Variants in PEBP4 observed in about 807,000 individuals in gnomAD.
The protein encoded by PEBP4 is phosphatidylethanolamine binding protein 4.
A neutral mutation model predicts 23.9 loss-of-function variants in PEBP4; 22 were observed. The observed-to-expected ratio is 0.92, with a 90% CI of 0.66 to 1.31. The LOEUF (loss-of-function observed/expected upper bound fraction) is 1.31. Among genes scored for constraint, PEBP4 ranks in the 40% most tolerant of loss-of-function variants. The pLI, the probability that PEBP4 is intolerant of heterozygous loss-of-function variation, is 0.00. For missense variants in PEBP4, 324 were observed against 281.7 expected (o/e 1.15, Z -1.07); for synonymous variants, 112 against 99.3 (o/e 1.13, Z -0.76).
rs116684348 is a variant in PEBP4 at position 22,783,323 on chromosome 8, T to A, written c.357+34314A>T. On this transcript the variant is annotated intron_variant, in intron 4 of 6. Transcript: ENST00000256404. Reference sequence around the variant, plus strand: ...GATGGGCATGGCTGTCTAATGTGGATGGCAGACGTCTATGGATGAACGCCT... The same window carrying A: ...GATGGGCATGGCTGTCTAATGTGGAAGGCAGACGTCTATGGATGAACGCCT... Among the ~76,000 whole-genome samples, 965 of 152,388 alleles carry A rather than the reference T, an allele frequency of 6.3e-3. 7 individuals are homozygous for A. Among genetic ancestry groups the A allele is most frequent in the African/African-American group, 0.022 (933 of 41,590 alleles).
chr8:22,804,894 G>A (rs1270968369), intron 4 of PEBP4, among the ~76,000 whole-genome samples: 1 of 152,130 alleles, frequency 6.6e-6, no homozygotes, highest in African/African-American at 2.4e-5. Flanking sequence ...TCTGGAACAC[G>A]CCAGCTCCTT....
At chr8:22,773,941 G>T (rs1805765893) in intron 4 of PEBP4, among the ~76,000 whole-genome samples, 1 of 152,182 alleles carries the variant, frequency 6.6e-6, no homozygotes, top group African/African-American at 2.4e-5. Flanking sequence ...CTTAACGGGT[G>T]CTATACACAG....
At chr8:22,786,089 T>C (rs1048480608) in intron 4 of PEBP4, among the ~76,000 whole-genome samples, 9 of 152,164 alleles carry the variant, frequency 5.9e-5, no homozygotes, top group African/African-American at 2.2e-4. Flanking sequence ...TGGCTGTCTT[T>C]CCCTTCCTCC....
intron 5 of PEBP4, among the ~76,000 whole-genome samples, 168 bp downstream of exon 5, chr8:22,727,007 C>T (rs963866937): frequency 6.6e-5 from 10 of 152,280 alleles, no homozygotes; most frequent in African/African-American, 2.2e-4. Flanking sequence ...AAAATGGGGA[C>T]ACTGATGGCA....
intron 4 of PEBP4, among the ~76,000 whole-genome samples, chr8:22,760,771 G>A (rs950022895): frequency 1.3e-5 from 2 of 152,110 alleles, no homozygotes; most frequent in Non-Finnish European, 2.9e-5. Context: ...GAGAAGGCTT[G>A]TGCAAACCCC....
chr8:22,728,562 TCC>T (rs1491363389), intron 4 of PEBP4, among the ~76,000 whole-genome samples: 1,830 of 43,276 alleles, frequency 0.042, 28 homozygotes, highest in South Asian at 0.071. Flanking sequence ...CTTTCTTTCT[TCC>T]TTCCTTCCTT....
At chr8:22,855,182 T>G (rs1228041962) in intron 3 of PEBP4, among the ~76,000 whole-genome samples, 1 of 152,078 alleles carries the variant, frequency 6.6e-6, no homozygotes, top group Non-Finnish European at 1.5e-5. Flanking sequence ...CAACTCCTCC[T>G]CTCTCTCTGC....
chr8:22,774,217 CTT>C (rs1805771963), intron 4 of PEBP4, among the ~76,000 whole-genome samples: 1 of 152,224 alleles, frequency 6.6e-6, no homozygotes, highest in South Asian at 2.1e-4. Flanking sequence ...CTTTCAATCA[CTT>C]TCCTTCCTCT....
chr8:22,809,428 C>T (rs1273773053), intron 4 of PEBP4, among the ~76,000 whole-genome samples: 3 of 152,228 alleles, frequency 2.0e-5, no homozygotes, highest in East Asian at 1.9e-4. Context: ...CACCTCTGAG[C>T]CCCCACACAT....
chr8:22,788,880 A>T (rs1806080742), intron 4 of PEBP4, among the ~76,000 whole-genome samples: 1 of 152,242 alleles, frequency 6.6e-6, no homozygotes, highest in African/African-American at 2.4e-5. Flanking sequence ...TATAAAAAAA[A>T]AGCAGATACA....
rs182055879 is a variant in PEBP4, at chr8:22,893,804, G to C, written c.258+26380C>G. Among the ~76,000 whole-genome samples the C allele has an allele frequency of 3.9e-5, 6 of 152,248 alleles. No homozygotes were observed. In the East Asian group the frequency reaches 1.2e-3, roughly 29 times the overall value. ...ACCCACCAGAATAGCATATCAGTGAGCTGTGGGACATCTTCAAGTAGCCAA... is the reference window on the plus strand; with the variant it reads ...ACCCACCAGAATAGCATATCAGTGACCTGTGGGACATCTTCAAGTAGCCAA... On this transcript the variant is annotated intron_variant, in intron 3 of 6. Transcript: ENST00000256404.
Position 22,790,538 on chromosome 8 carries a change from A to G in PEBP4, c.357+27099T>C, listed in dbSNP as rs185684938. Among the ~76,000 whole-genome samples, 66 of 152,300 alleles carry G rather than the reference A, an allele frequency of 4.3e-4. No homozygotes were observed. In the South Asian group the frequency reaches 6.2e-3, roughly 14 times the overall value. The stretch of plus-strand genomic sequence containing the variant: ...ATGGCAACAGCTTAGCAGGGGCAGA[A>G]AACACCAGGGATATCTCGGCCTTGC... On this transcript the variant is annotated intron_variant, in intron 4 of 6. Transcript: ENST00000256404.
chr8:22,729,604 T>C (rs1475310805), intron 4 of PEBP4, among the ~76,000 whole-genome samples: 5 of 152,216 alleles, frequency 3.3e-5, no homozygotes, highest in Non-Finnish European at 7.3e-5. Flanking sequence ...GGGGCCAGCA[T>C]AGGCAAAGAT....
intron 4 of PEBP4, among the ~76,000 whole-genome samples, chr8:22,731,075 C>T (rs374572490): frequency 2.0e-5 from 3 of 152,292 alleles, no homozygotes; most frequent in East Asian, 3.9e-4. Flanking sequence ...GACAGGCTGA[C>T]ATTTTCAAAA....
rs1808291887 is a variant in PEBP4 at position 22,882,823 on chromosome 8, AC to A, written c.258+37360del. On this transcript the variant is annotated intron_variant, in intron 3 of 6. Coordinates refer to ENST00000256404, the MANE Select transcript of PEBP4 (RefSeq NM_144962.3). ...TCCAGGCCACTATCCACCTGCCCAA[AC>A]CACCCCAGGGTGGGTACTAGACCAC... Among the ~76,000 whole-genome samples, 4 of 152,124 alleles carry A rather than the reference AC, an allele frequency of 2.6e-5. No homozygotes were observed. In the South Asian group the frequency reaches 8.3e-4, roughly 32 times the overall value.
chr8:22,895,516 T>C (rs984693805), intron 3 of PEBP4: 5 of 152,216 alleles, frequency 3.3e-5, no homozygotes, highest in Non-Finnish European at 7.3e-5. Flanking sequence ...CACATCTAGG[T>C]GGATTTTTTT....
chr8:22,882,748 C>G (rs887256427), intron 3 of PEBP4, among the ~76,000 whole-genome samples: 42 of 152,266 alleles, frequency 2.8e-4, no homozygotes, highest in African/African-American at 8.9e-4. Context: ...TGAAAACCTA[C>G]CAGTCCAGTG....
intron 3 of PEBP4, among the ~76,000 whole-genome samples, chr8:22,830,753 C>T (rs1171300644): frequency 6.6e-6 from 1 of 152,180 alleles, no homozygotes; most frequent in Non-Finnish European, 1.5e-5. Context: ...TTCAGCCTCT[C>T]AAACAGCCCT....
At chr8:22,781,929 G>A (rs1033289424) in intron 4 of PEBP4, among the ~76,000 whole-genome samples, 4 of 152,220 alleles carry the variant, frequency 2.6e-5, no homozygotes, top group African/African-American at 4.8e-5. Flanking sequence ...GGGGGCTGAA[G>A]CCACCCACTC....
Sources: gnomAD v4.1 joint callset for allele counts (sites outside exome capture counted in the v4.1 genomes callset) on GRCh38, gnomAD v4.1.1 for gene constraint, MANE v1.5 for transcripts, NCBI Gene and HGNC (gene_info 2026-07-23, HGNC 2026-07-21) for gene names.